The following BPHL variants were observed in gnomAD, a reference collection of about 807,000 sequenced individuals.
BPHL encodes serine hydrolase BPHL.
In BPHL, 27 loss-of-function variants were observed where a neutral mutation model predicts 31.2. The ratio of observed to expected loss-of-function variants is 0.87; its 90% CI spans 0.64 to 1.19. BPHL has a LOEUF of 1.19. Among genes scored for constraint, BPHL ranks in the 50% most tolerant of loss-of-function variants. The probability of loss-of-function intolerance (pLI) is 0.00; values close to 1 mark genes in which losing one functional copy is unlikely to be tolerated. For synonymous variants in BPHL, 150 were observed against 146.8 expected, an observed-to-expected ratio of 1.02 and a Z score of -0.16; for missense variants, 356 against 375.7, an observed-to-expected ratio of 0.95 and a Z score of 0.43.
At chr6:3,132,833 A>G (rs1280762770) in intron 4 of BPHL, among the ~76,000 whole-genome samples, 1 of 152,174 alleles carries the variant, frequency 6.6e-6, no homozygotes, top group African/African-American at 2.4e-5. Flanking sequence ...CCCTGTCCCA[A>G]CAACAGCAAC....
intron 2 of BPHL, 71 bp from the exon 3 acceptor site, chr6:3,127,171 C>T (rs1761738048): frequency 3.7e-6 from 4 of 1,071,774 alleles, no homozygotes; most frequent in Non-Finnish European, 5.2e-6. Context: ...ATTGTTATTG[C>T]TTCTGTTTTC....
rs1380406731 is a variant in BPHL, at chr6:3,153,219, G to A, written c.*644G>A. 2 of 153,660 alleles carry A rather than the reference G, an allele frequency of 1.3e-5. No individual in the cohort carries two copies. The highest frequency in any genetic ancestry group is 2.4e-5 in the African/African-American group (1 of 41,414). The allele number at this position is 153,660 out of a possible 1,614,324, so 9.5% of individuals were successfully genotyped here. On this transcript the variant is annotated 3_prime_UTR_variant, in exon 7 of 7. Transcript: ENST00000380379. ...GAGAATGTGTAGTGTTAATGTTGGA[G>A]ATTTTAAGACATCTTGAATTTGTAC...
chr6:3,119,318 T>C (rs1761493518), intron 1 of BPHL: 1 of 1,549,938 alleles, frequency 6.5e-7, no homozygotes, highest in East Asian at 2.4e-5. Context: ...GCTAAGGCTT[T>C]AATCACGGGT....
chr6:3,145,164 A>T (rs35320491), intron 6 of BPHL, among the ~76,000 whole-genome samples: 1 of 86,548 alleles, frequency 1.2e-5, no homozygotes, highest in Non-Finnish European at 2.3e-5. Context: ...GTGCTGGTTC[A>T]GGGTGGAGTG....
In BPHL at chr6:3,123,736, G is replaced by C; in HGVS notation, c.187G>C (p.Val63Leu). ...GCAGACTGGAGAGGGAGATCACGCA[G>C]TCCTGCTACTTCCTGGGATGTTAGG... Reference protein sequence around the residue: ...YQQTGEGDHAVLLLPGMLGSG... With the variant: ...YQQTGEGDHALLLLPGMLGSG... The change falls in exon 2 of 7, where the codon GTC (valine) becomes CTC (leucine). Residue 63 changes from valine to leucine, a missense_variant. Transcript: ENST00000380379. 3.1e-6 allele frequency: 5 copies of C among 1,613,138 alleles called. No homozygotes were observed. The highest frequency in any genetic ancestry group is 4.2e-6 in the Non-Finnish European group (5 of 1,179,508).
In BPHL at chr6:3,123,702, GC is replaced by G. The variant is rs1276912657; in HGVS notation, c.154del (p.His52IlefsTer19). The G allele has an allele frequency of 4.3e-6, 7 of 1,613,598 alleles. No homozygotes were observed. Among genetic ancestry groups the G allele is most frequent in the Non-Finnish European group, 5.1e-6 (6 of 1,179,830 alleles). The part of the protein sequence containing the change: ...AKVAVNGVQL[H>X]YQQTGEGDHA... ...AAGTGGCTGTGAATGGCGTTCAGCT[GC>G]ATTACCAGCAGACTGGAGAGGGAGA... On this transcript the variant is annotated frameshift_variant, in exon 2 of 7. Coordinates refer to ENST00000380379, the MANE Select transcript of BPHL (RefSeq NM_004332.4). LOFTEE classifies it high-confidence loss of function.
At chr6:3,135,689 G>T (rs988309725) in intron 4 of BPHL, among the ~76,000 whole-genome samples, 6 of 151,140 alleles carry the variant, frequency 4.0e-5, no homozygotes, top group Non-Finnish European at 8.8e-5. Context: ...TCTCTGCGTG[G>T]TGTTCTGCAT....
At chr6:3,145,863 G>T (rs1762329444) in intron 6 of BPHL, among the ~76,000 whole-genome samples, 2 of 64,308 alleles carry the variant, frequency 3.1e-5, no homozygotes. Flanking sequence ...GGTTCCGGCT[G>T]GAGTGCTGGT....
chr6:3,127,690 C>G (rs1761754352), intron 3 of BPHL, among the ~76,000 whole-genome samples: 2 of 152,108 alleles, frequency 1.3e-5, no homozygotes, highest in Non-Finnish European at 2.9e-5. Context: ...TAACGTTTTT[C>G]TAACTTACTA....
At chr6:3,151,371 G>A (rs1425356248) in intron 6 of BPHL, among the ~76,000 whole-genome samples, 1 of 152,128 alleles carries the variant, frequency 6.6e-6, no homozygotes, top group East Asian at 1.9e-4. Flanking sequence ...GTGATTGTTA[G>A]TAATAGCATT....
chr6:3,118,883 A>G (rs1224823621), intron 1 of BPHL, 36 bp downstream of exon 1: 10 of 1,229,140 alleles, frequency 8.1e-6, no homozygotes, highest in Non-Finnish European at 1.0e-5. Context: ...GATCCCCAGC[A>G]TCGGCGCGCT....
chr6:3,144,382 T>TTG (rs1554121569), intron 6 of BPHL, among the ~76,000 whole-genome samples: 3 of 49,238 alleles, frequency 6.1e-5, no homozygotes, highest in African/African-American at 1.1e-4. Context: ...CTTTTTTTTT[T>TTG]TTTTTTTTGT....
At chr6:3,141,857 C>T (rs193177533) in intron 6 of BPHL, among the ~76,000 whole-genome samples, 3 of 151,792 alleles carry the variant, frequency 2.0e-5, no homozygotes, top group Non-Finnish European at 4.4e-5. Context: ...GCCTGTAACC[C>T]CAGCTACTCA....
chr6:3,145,181 CG>C (rs112208778), intron 6 of BPHL, among the ~76,000 whole-genome samples: 27,846 of 60,260 alleles, frequency 0.46, 7,554 homozygotes, highest in Non-Finnish European at 0.55. Context: ...AGTGCTGGTT[CG>C]GGGTGGAGTG....
In BPHL at chr6:3,149,579, C is replaced by G. The variant is rs138156495; in HGVS notation, c.789-2909C>G. 1.1e-3 allele frequency among the ~76,000 whole-genome samples: 160 copies of G among 152,290 alleles called. No homozygotes were observed. Among genetic ancestry groups the G allele is most frequent in the African/African-American group, 3.7e-3 (154 of 41,552 alleles). On this transcript the variant is annotated intron_variant, in intron 6 of 6. Transcript: ENST00000380379. This position sits in a 1 kb window ranked among gnomAD's most constrained non-coding sequence, Gnocchi z 4.6. The stretch of plus-strand genomic sequence containing the variant: ...AGGAGAGCCTGGCCAGCCAGGGCAG[C>G]CCCCAACTTCATCAGCAGCAAGGAG...
Position 3,149,430 on chromosome 6 carries a change from T to C in BPHL, c.789-3058T>C, listed in dbSNP as rs1314357391. On this transcript the variant is annotated intron_variant, in intron 6 of 6. Transcript: ENST00000380379. The surrounding 1 kb of genome is among the most constrained non-coding windows in gnomAD (Gnocchi z 4.6). Reference sequence around the variant, plus strand: ...CCGCCACACTGCCCAGAAAGTAGCCTCCGGGGCAGTTTTGCTTCTAATGCT... The same window carrying C: ...CCGCCACACTGCCCAGAAAGTAGCCCCCGGGGCAGTTTTGCTTCTAATGCT... Among the ~76,000 whole-genome samples the C allele has an allele frequency of 6.6e-6, 1 of 152,084 alleles. No individual in the cohort carries two copies. Among genetic ancestry groups the C allele is most frequent in the Non-Finnish European group, 1.5e-5 (1 of 68,012 alleles).
At chr6:3,121,964 C>T (rs535093119) in intron 1 of BPHL, among the ~76,000 whole-genome samples, 2 of 152,154 alleles carry the variant, frequency 1.3e-5, no homozygotes, top group South Asian at 4.2e-4. Context: ...TATCCTTTGA[C>T]TAAGGGCAGA....
At position 3,140,265 on chromosome 6, in the gene BPHL, A is replaced by G. The variant is rs1169949718; in HGVS notation, c.665-121A>G. The G allele has an allele frequency of 3.8e-6, 5 of 1,317,826 alleles. No individual in the cohort carries two copies. The highest frequency in any genetic ancestry group is 4.2e-6 in the Non-Finnish European group (4 of 958,062). The allele number at this position is 1,317,826 out of a possible 1,614,324, so 81.6% of individuals were successfully genotyped here. On this transcript the variant is annotated intron_variant, in intron 5 of 6. Coordinates refer to ENST00000380379, the MANE Select transcript of BPHL (RefSeq NM_004332.4). This position sits in a 1 kb window ranked among gnomAD's most constrained non-coding sequence, Gnocchi z 5.2. The stretch of plus-strand genomic sequence containing the variant: ...TCCCAGGCACGGTCAAATCCAAAAC[A>G]CAGTTTTTACGGATAGGGAAACTGA...
rs113298852 is a variant in BPHL, at chr6:3,143,367, A to G, written c.788+2858A>G. On this transcript the variant is annotated intron_variant, in intron 6 of 6. Coordinates refer to ENST00000380379, the MANE Select transcript of BPHL (RefSeq NM_004332.4). ...GGCTGAACAAAGGGTGGAGTTGCTC[A>G]GCAGGTCTGCTTCCAGCTTATGTTA... Among the ~76,000 whole-genome samples, 1,256 of 152,340 alleles carry G rather than the reference A, an allele frequency of 8.2e-3. 8 individuals are homozygous for G. Among genetic ancestry groups the G allele is most frequent in the Non-Finnish European group, 0.013 (878 of 68,028 alleles).
Sources: allele counts gnomAD v4.1 joint callset (sites outside exome capture counted in the v4.1 genomes callset), GRCh38; gene constraint gnomAD v4.1.1; non-coding constraint Gnocchi (gnomAD v3.1); transcripts MANE v1.5; gene names NCBI Gene and HGNC (gene_info 2026-07-23, HGNC 2026-07-21).